The following TBC1D30 variants were observed in gnomAD, a reference collection of about 807,000 sequenced individuals.
TBC1D30 encodes TBC1 domain family member 30.
TBC1D30 carries 31 observed loss-of-function variants against 63.2 expected under a neutral mutation model. The observed-to-expected ratio is 0.49, with a 90% CI of 0.37 to 0.66. The LOEUF (loss-of-function observed/expected upper bound fraction) is 0.66, where lower values mean the gene tolerates loss of function less well. Among genes scored for constraint, TBC1D30 ranks in the 30% least tolerant of loss-of-function variants. The pLI is 0.00. For missense variants in TBC1D30, 810 were observed against 953.6 expected (o/e 0.85, Z 1.98); for synonymous variants, 307 against 361.5 (o/e 0.85, Z 1.71).
rs1379656452 is a variant in TBC1D30, at chr12:64,876,504, A to G, written c.*716A>G. 6.8e-6 allele frequency: 2 copies of G among 293,328 alleles called. No individual in the cohort carries two copies. The highest frequency in any genetic ancestry group is 1.4e-5 in the Non-Finnish European group (2 of 147,132). The allele number at this position is 293,328 out of a possible 1,614,324, so 18.2% of individuals were successfully genotyped here. A position where few individuals can be genotyped will look rare whatever the true frequency, so the allele number is the denominator to read the frequency against. On this transcript the variant is annotated 3_prime_UTR_variant, in exon 12 of 12. Transcript: ENST00000539867. ...CATATGCTTTACGCAGTTGCTCCGG[A>G]CAGCTTGCTCGCGCCACTGAGCTTT...
intron 3 of TBC1D30, 119 bp downstream of exon 3, chr12:64,828,628 C>G (rs1437449082): frequency 1.5e-6 from 1 of 648,178 alleles, no homozygotes; most frequent in Non-Finnish European, 2.7e-6. Context: ...CTTGATTATT[C>G]ATTCATGCAA....
intron 2 of TBC1D30, among the ~76,000 whole-genome samples, chr12:64,802,313 G>GT (rs1399675255): frequency 6.6e-6 from 1 of 152,018 alleles, no homozygotes; most frequent in Non-Finnish European, 1.5e-5. Context: ...ACCTTGTTTT[G>GT]TTTTTGGCAT....
rs569562685 is a variant in TBC1D30 at position 64,863,651 on chromosome 12, A to C, written c.1039-1017A>C. Among the ~76,000 whole-genome samples the C allele has an allele frequency of 1.6e-4, 24 of 152,330 alleles. No homozygotes were observed. The South Asian group carries it at 2.7e-3, about 17-fold the overall frequency. ...GACATCTGGGGACAGTCAGATGTAC[A>C]GGTTGTTAGAATAAAATTACAGGGG... On this transcript the variant is annotated intron_variant, in intron 8 of 11. Coordinates refer to ENST00000539867, the MANE Select transcript of TBC1D30 (RefSeq NM_015279.2).
chr12:64,830,696 G>T (rs1050171300), intron 4 of TBC1D30, among the ~76,000 whole-genome samples, 194 bp downstream of exon 4: 2 of 152,028 alleles, frequency 1.3e-5, no homozygotes, highest in African/African-American at 4.8e-5. Flanking sequence ...AAATGTTACC[G>T]GTAAGAAGAA....
chr12:64,828,054 CT>C (rs1332804768), intron 2 of TBC1D30, among the ~76,000 whole-genome samples, 158 bp downstream of exon 2: 1 of 152,130 alleles, frequency 6.6e-6, no homozygotes, highest in Non-Finnish European at 1.5e-5. Flanking sequence ...TACAAGTGGC[CT>C]GGGTTTATAT....
At chr12:64,787,441 C>G (rs951269465) in intron 2 of TBC1D30, 2 of 898,490 alleles carry the variant, frequency 2.2e-6, no homozygotes, top group South Asian at 1.0e-4. Context: ...GCTTTTCAGG[C>G]GATTGTGGAA....
chr12:64,790,616 T>C (rs1412044481), intron 2 of TBC1D30, among the ~76,000 whole-genome samples: 2 of 152,232 alleles, frequency 1.3e-5, no homozygotes, highest in Non-Finnish European at 1.5e-5. Flanking sequence ...CTGATCAATA[T>C]AGAAATTTTA....
chr12:64,833,341 T>C (rs895249344), intron 5 of TBC1D30, among the ~76,000 whole-genome samples: 1 of 152,228 alleles, frequency 6.6e-6, no homozygotes, highest in African/African-American at 2.4e-5. Flanking sequence ...TTTGCATGTG[T>C]GTCAGTGAGT....
chr12:64,834,635 G>A (rs1592611006), intron 5 of TBC1D30, among the ~76,000 whole-genome samples: 1 of 149,398 alleles, frequency 6.7e-6, no homozygotes, highest in African/African-American at 2.5e-5. Context: ...TCAAACTCCT[G>A]ACCTCTCAGG....
At chr12:64,797,615 TATG>T (rs1237760575) in intron 2 of TBC1D30, among the ~76,000 whole-genome samples, 3 of 152,126 alleles carry the variant, frequency 2.0e-5, no homozygotes, top group African/African-American at 7.3e-5. Context: ...CCAGCAATCC[TATG>T]ATATTTCTTT....
exon 1 of TBC1D30, chr12:64,780,690 C>A: frequency 1.1e-6 from 1 of 938,706 alleles, no homozygotes; most frequent in Non-Finnish European, 1.3e-6. Context: ...CCAGAGCCCG[C>A]TGGCGCCGCG....
intron 5 of TBC1D30, among the ~76,000 whole-genome samples, chr12:64,834,193 A>C (rs1211766909): frequency 6.6e-6 from 1 of 152,170 alleles, no homozygotes; most frequent in Non-Finnish European, 1.5e-5. Flanking sequence ...GGTTGGCTTC[A>C]TGAAGAAACA....
rs774145443 is a variant in TBC1D30 at position 64,807,918 on chromosome 12, G to GTTTTTTTTTTTTTTTTTTTTTTTTT, written c.644-19900_644-19899insTTTTTTTTTTTTTTTTTTTTTTTTT. On this transcript the variant is annotated intron_variant, in intron 2 of 12. Transcript: ENST00000542120. Reference sequence around the variant, plus strand: ...GCCCATGCCACCCTGCCTAATTTAAGTTTTTTTTTTTTTTTTTGTAGAGCT... The same window carrying GTTTTTTTTTTTTTTTTTTTTTTTTT: ...GCCCATGCCACCCTGCCTAATTTAAGTTTTTTTTTTTTTTTTTTTTTTTTTTTTTTTTTTTTTTTTTTGTAGAGCT... Among the ~76,000 whole-genome samples, 11 of 93,496 alleles carry GTTTTTTTTTTTTTTTTTTTTTTTTT rather than the reference G, an allele frequency of 1.2e-4. 2 individuals are homozygous for GTTTTTTTTTTTTTTTTTTTTTTTTT. The highest frequency in any genetic ancestry group is 6.1e-4 in the African/African-American group (11 of 18,120). 61.3% of individuals were successfully genotyped at this position (93,496 alleles called of 152,430 possible). A position where few individuals can be genotyped will look rare whatever the true frequency, so the allele number is the denominator to read the frequency against.
At position 64,876,934 on chromosome 12, in the gene TBC1D30, A is replaced by G; in HGVS notation, c.*1146A>G. 1 of 456,016 alleles carries G rather than the reference A, an allele frequency of 2.2e-6. No individual in the cohort carries two copies. Among genetic ancestry groups the G allele is most frequent in the Non-Finnish European group, 4.4e-6 (1 of 226,786 alleles). 28.2% of individuals were successfully genotyped at this position (456,016 alleles called of 1,614,324 possible). ...GGTGAAGTAGCACTTCAGTTACTCA[A>G]GGTCAGTACTCTCGGTATTCCAAGT... On this transcript the variant is annotated 3_prime_UTR_variant, in exon 12 of 12. Transcript: ENST00000539867.
chr12:64,849,118 G>T (rs189423932), intron 8 of TBC1D30, among the ~76,000 whole-genome samples: 78 of 152,194 alleles, frequency 5.1e-4, no homozygotes, highest in Middle Eastern at 3.4e-3. Flanking sequence ...TTTTTGATGG[G>T]TTTTTTTGTG....
At chr12:64,812,218 T>C (rs1398485404) in intron 2 of TBC1D30, among the ~76,000 whole-genome samples, 1 of 152,122 alleles carries the variant, frequency 6.6e-6, no homozygotes, top group African/African-American at 2.4e-5. Context: ...TAGGAAAAAA[T>C]TACCCTATTG....
At chr12:64,780,953 G>T in exon 1 of TBC1D30, 2 of 1,058,208 alleles carry the variant, frequency 1.9e-6, no homozygotes, top group South Asian at 4.6e-5. Flanking sequence ...CCGGGGAGCG[G>T]CGGAGCGGCC....
At chr12:64,760,553 A>AAAAC (rs989833634) in intron 1 of TBC1D30, among the ~76,000 whole-genome samples, 6 of 152,118 alleles carry the variant, frequency 3.9e-5, no homozygotes, top group Admixed American at 1.3e-4. Context: ...CTCTTGTCTC[A>AAAAC]AAACAAACAA....
chr12:64,806,847 G>C (rs111839582), intron 2 of TBC1D30, among the ~76,000 whole-genome samples: 1 of 152,346 alleles, frequency 6.6e-6, no homozygotes, highest in Non-Finnish European at 1.5e-5. Flanking sequence ...ACACTATTCA[G>C]CTTTAGAAAG....
Sources: allele counts gnomAD v4.1 joint callset (sites outside exome capture counted in the v4.1 genomes callset), GRCh38; gene constraint gnomAD v4.1.1; transcripts MANE v1.5; gene names NCBI Gene and HGNC (gene_info 2026-07-23, HGNC 2026-07-21).